Variants in DLD observed in about 807,000 individuals in gnomAD.
DLD encodes the protein dihydrolipoamide dehydrogenase, also known as dihydrolipoyl dehydrogenase, mitochondrial.
DLD carries 36 observed loss-of-function variants against 62.2 expected under a neutral mutation model. The ratio of observed to expected loss-of-function variants is 0.58; its 90% CI spans 0.44 to 0.76. The LOEUF is 0.76. Among genes scored for constraint, DLD ranks in the 30% least tolerant of loss-of-function variants. The pLI is 0.00. For missense variants in DLD, 541 were observed against 608.6 expected (o/e 0.89, Z 1.17); for synonymous variants, 204 against 199.6 (o/e 1.02, Z -0.19).
At chr7:107,909,280 T>G (rs1279047089) in intron 8 of DLD, among the ~76,000 whole-genome samples, 1 of 152,234 alleles carries the variant, frequency 6.6e-6, no homozygotes, top group Non-Finnish European at 1.5e-5. Context: ...ACTCTTATAC[T>G]TAACTGCTTT....
At position 107,919,557 on chromosome 7, in the gene DLD, A is replaced by C; in HGVS notation, c.*298A>C. ...GTTCATGAAAGATTCAATGCCCCTG[A>C]ATTTAAATAGCTTTTTTCTCTGATA... On this transcript the variant is annotated 3_prime_UTR_variant, in exon 14 of 14. Transcript: ENST00000205402. The C allele has an allele frequency of 8.4e-6, 2 of 236,922 alleles. 1 individual carries two copies. Among genetic ancestry groups the C allele is most frequent in the South Asian group, 1.4e-4 (2 of 13,836 alleles). The allele number at this position is 236,922 out of a possible 1,614,324, so 14.7% of individuals were successfully genotyped here.
intron 2 of DLD, among the ~76,000 whole-genome samples, chr7:107,893,893 A>G (rs2031653314): frequency 6.6e-6 from 1 of 152,210 alleles, no homozygotes; most frequent in African/African-American, 2.4e-5. Flanking sequence ...CAGCAATTTC[A>G]TATGTTTACA....
chr7:107,913,964 C>T (rs1022236848), intron 8 of DLD, among the ~76,000 whole-genome samples: 1 of 152,082 alleles, frequency 6.6e-6, no homozygotes, highest in Admixed American at 6.6e-5. Flanking sequence ...GCTTTTTCAG[C>T]ATCTGTTGAA....
At chr7:107,911,353 A>G (rs915393598) in intron 8 of DLD, among the ~76,000 whole-genome samples, 9 of 152,130 alleles carry the variant, frequency 5.9e-5, no homozygotes, top group African/African-American at 1.9e-4. Flanking sequence ...ATCTCATTCT[A>G]TGGATATGGC....
intron 5 of DLD, among the ~76,000 whole-genome samples, chr7:107,904,353 TCA>T (rs1054426589): frequency 1.3e-5 from 2 of 152,206 alleles, no homozygotes; most frequent in South Asian, 4.1e-4. Context: ...CAGAAATCTC[TCA>T]GAGTCTCTTT....
chr7:107,904,055 A>G (rs1260289891), intron 5 of DLD, among the ~76,000 whole-genome samples: 1 of 152,156 alleles, frequency 6.6e-6, no homozygotes, highest in African/African-American at 2.4e-5. Flanking sequence ...TTTGTCTCCA[A>G]TTATTGTTGT....
intron 8 of DLD, among the ~76,000 whole-genome samples, chr7:107,914,608 C>T (rs1158066322): frequency 6.6e-6 from 1 of 152,112 alleles, no homozygotes; most frequent in Non-Finnish European, 1.5e-5. Context: ...ACTCAGTCTT[C>T]ATACTAGAAA....
Position 107,917,469 on chromosome 7 carries a change from C to A in DLD, c.1236+7C>A. 6.2e-7 allele frequency: 1 copy of A among 1,614,058 alleles called. No homozygotes were observed. Among genetic ancestry groups the A allele is most frequent in the Non-Finnish European group, 8.5e-7 (1 of 1,179,956 alleles). On this transcript the variant is annotated splice_region_variant and intron_variant, in intron 11 of 13. Transcript: ENST00000205402. ...AGAGCAGTTGAAAGAAGAGGTAAGTCTGAACATGGGTGGTTTTAAGCCAAT... is the reference window on the plus strand; with the variant it reads ...AGAGCAGTTGAAAGAAGAGGTAAGTATGAACATGGGTGGTTTTAAGCCAAT...
At chr7:107,907,694 C>T (rs2032040660) in intron 8 of DLD, among the ~76,000 whole-genome samples, 1 of 152,178 alleles carries the variant, frequency 6.6e-6, no homozygotes, top group South Asian at 2.1e-4. Context: ...CTTCAAACTC[C>T]TTCCTTTTAT....
intron 3 of DLD, 108 bp from the exon 4 acceptor site, chr7:107,902,215 CAT>C: frequency 2.1e-6 from 2 of 960,954 alleles, no homozygotes; most frequent in Non-Finnish European, 3.3e-6. Flanking sequence ...TCTGTGAAAA[CAT>C]AGCCCGAATA....
chr7:107,905,228 C>T, intron 6 of DLD, 133 bp from the exon 7 acceptor site: 1 of 1,094,540 alleles, frequency 9.1e-7, no homozygotes, highest in Non-Finnish European at 1.3e-6. Flanking sequence ...TTTTGCTGCA[C>T]CATGGTGTAG....
chr7:107,903,376 C>T (rs1436592438), intron 4 of DLD, 102 bp from the exon 5 acceptor site: 3 of 791,114 alleles, frequency 3.8e-6, no homozygotes, highest in African/African-American at 3.5e-5. Context: ...GAAACTCCGT[C>T]TCAAAAAATG....
rs1440281183 is a variant in DLD at position 107,901,758 on chromosome 7, A to G, written c.139A>G (p.Ile47Val). Residue 47 changes from isoleucine to valine, a missense_variant, in exon 3 of 14, where the codon ATA (isoleucine) becomes GTA (valine). Coordinates refer to ENST00000205402, the MANE Select transcript of DLD (RefSeq NM_000108.5). ...DQPIDADVTV[I>V]GSGPGGYVAA... ...CGTAGTTGATGCTGATGTAACAGTT[A>G]TAGGTTCTGGTCCTGGAGGATATGT... 2 of 1,613,486 alleles carry G rather than the reference A, an allele frequency of 1.2e-6. No homozygotes were observed. Among genetic ancestry groups the G allele is most frequent in the African/African-American group, 2.7e-5 (2 of 74,900 alleles).
intron 8 of DLD, among the ~76,000 whole-genome samples, chr7:107,908,520 T>G (rs1409347593): frequency 6.6e-6 from 1 of 151,746 alleles, no homozygotes; most frequent in East Asian, 1.9e-4. Context: ...TGTAAAAAAT[T>G]AGTTGGGCAT....
chr7:107,891,624 C>G (rs2031578637), intron 1 of DLD: 1 of 511,602 alleles, frequency 2.0e-6, no homozygotes. Flanking sequence ...GTAAGCCACC[C>G]ATGTCCCGTA....
rs117583943 is a variant in DLD, at chr7:107,901,585, A to G, written c.119-153A>G. ...TCAGTAGCATCAAAGAGCATCAAGT[A>G]GTAGTAATAAAATAGTGCAGAAACT... On this transcript the variant is annotated intron_variant, in intron 2 of 13. Coordinates refer to ENST00000205402, the MANE Select transcript of DLD (RefSeq NM_000108.5). Among the ~76,000 whole-genome samples the G allele has an allele frequency of 4.2e-3, 644 of 152,332 alleles. 4 individuals are homozygous for G. The highest frequency in any genetic ancestry group is 6.7e-3 in the Non-Finnish European group (459 of 68,000).
At chr7:107,897,503 C>T (rs2031756027) in intron 2 of DLD, among the ~76,000 whole-genome samples, 1 of 151,154 alleles carries the variant, frequency 6.6e-6, no homozygotes, top group Non-Finnish European at 1.5e-5. Context: ...TTACATAAGA[C>T]AGTACACGTG....
intron 2 of DLD, among the ~76,000 whole-genome samples, chr7:107,900,810 T>A (rs1321838539): frequency 6.6e-6 from 1 of 152,136 alleles, no homozygotes. Context: ...TATGTGAATA[T>A]GTGTTATGAA....
At chr7:107,891,397 G>C (rs1463432620) in intron 1 of DLD, 108 bp downstream of exon 1, 49 of 1,260,530 alleles carry the variant, frequency 3.9e-5, no homozygotes, top group Non-Finnish European at 5.5e-5. Flanking sequence ...GCGGGCGCCT[G>C]GGCCGCACCA....
Sources: allele counts gnomAD v4.1 joint callset (sites outside exome capture counted in the v4.1 genomes callset), GRCh38; gene constraint gnomAD v4.1.1; transcripts MANE v1.5; gene names NCBI Gene and HGNC (gene_info 2026-07-23, HGNC 2026-07-21).